The following EDIL3 variants were observed in gnomAD, a reference collection of about 807,000 sequenced individuals.
EDIL3 encodes the protein EGF like and discoidin domains 3, also known as EGF-like repeat and discoidin I-like domain-containing protein 3.
Under a neutral mutation model 67.4 loss-of-function variants are expected in EDIL3, and 37 were observed. The ratio of observed to expected loss-of-function variants is 0.55; its 90% CI spans 0.42 to 0.72. The LOEUF is 0.72. Among genes scored for constraint, EDIL3 ranks in the 30% least tolerant of loss-of-function variants. The probability of loss-of-function intolerance (pLI) is 0.00; values close to 1 mark genes in which losing one functional copy is unlikely to be tolerated. For synonymous variants in EDIL3, 195 were observed against 196.3 expected, an observed-to-expected ratio of 0.99 and a Z score of 0.05; for missense variants, 527 against 586.3, an observed-to-expected ratio of 0.90 and a Z score of 1.04.
chr5:84,327,170 T>C (rs1746779828), intron 1 of EDIL3, among the ~76,000 whole-genome samples: 1 of 152,010 alleles, frequency 6.6e-6, no homozygotes, highest in South Asian at 2.1e-4. Flanking sequence ...ATATAATACA[T>C]CATTATTAAT....
chr5:84,069,757 C>T (rs907305299), intron 6 of EDIL3, among the ~76,000 whole-genome samples: 1 of 152,036 alleles, frequency 6.6e-6, no homozygotes, highest in African/African-American at 2.4e-5. Flanking sequence ...CCTGTGCCCA[C>T]GGATCTAGGT....
intron 9 of EDIL3, among the ~76,000 whole-genome samples, chr5:84,033,978 A>G (rs1027815192): frequency 6.6e-6 from 1 of 152,178 alleles, no homozygotes; most frequent in Non-Finnish European, 1.5e-5. Context: ...TCAATCCAGG[A>G]CAAAGCAGGG....
chr5:84,365,947 G>C (rs921016945), intron 1 of EDIL3, among the ~76,000 whole-genome samples: 3 of 152,050 alleles, frequency 2.0e-5, no homozygotes, highest in African/African-American at 4.8e-5. Context: ...TGAGGAAACA[G>C]GTTATGTATA....
intron 1 of EDIL3, among the ~76,000 whole-genome samples, chr5:84,285,102 C>T (rs998840243): frequency 3.9e-5 from 6 of 152,078 alleles, no homozygotes; most frequent in African/African-American, 7.2e-5. Context: ...GAACCATATA[C>T]GTAAATATGC....
At chr5:83,957,273 T>C (rs1197274035) in intron 10 of EDIL3, among the ~76,000 whole-genome samples, 1 of 151,670 alleles carries the variant, frequency 6.6e-6, no homozygotes, top group East Asian at 2.0e-4. Flanking sequence ...CCCTTTGCTT[T>C]TCCCCCTGCT....
At chr5:83,958,142 C>T (rs1744547677) in intron 10 of EDIL3, among the ~76,000 whole-genome samples, 1 of 151,552 alleles carries the variant, frequency 6.6e-6, no homozygotes, top group Non-Finnish European at 1.5e-5. Context: ...ATTCCATTCT[C>T]ACTAGAAAAA....
At chr5:84,073,376 G>A (rs1269862896) in intron 6 of EDIL3, among the ~76,000 whole-genome samples, 1 of 152,142 alleles carries the variant, frequency 6.6e-6, no homozygotes, top group African/African-American at 2.4e-5. Flanking sequence ...GAAATAAAGT[G>A]TATTCAATTA....
At chr5:84,010,516 C>T (rs757834817) in intron 9 of EDIL3, among the ~76,000 whole-genome samples, 6 of 152,028 alleles carry the variant, frequency 3.9e-5, no homozygotes, top group Non-Finnish European at 8.8e-5. Flanking sequence ...TCTATTTCCT[C>T]CAATTTTTTA....
chr5:83,996,339 C>T (rs769368603), intron 9 of EDIL3, among the ~76,000 whole-genome samples: 12 of 152,140 alleles, frequency 7.9e-5, no homozygotes, highest in Non-Finnish European at 5.9e-5. Context: ...TGTTAAAGTA[C>T]CCCTCTCTTT....
intron 2 of EDIL3, among the ~76,000 whole-genome samples, chr5:84,245,154 T>C (rs1744884219): frequency 6.6e-6 from 1 of 152,238 alleles, no homozygotes; most frequent in Admixed American, 6.5e-5. Context: ...CTCTTCACTC[T>C]TCTTTATATA....
intron 1 of EDIL3, among the ~76,000 whole-genome samples, chr5:84,317,220 C>G (rs1561255232): frequency 6.6e-6 from 1 of 152,056 alleles, no homozygotes; most frequent in Non-Finnish European, 1.5e-5. Flanking sequence ...CAAGAGCAAA[C>G]ACATTCAAAA....
At chr5:83,954,163 T>A (rs1180981404) in intron 10 of EDIL3, among the ~76,000 whole-genome samples, 1 of 151,442 alleles carries the variant, frequency 6.6e-6, no homozygotes, top group Non-Finnish European at 1.5e-5. Context: ...TGGCAATATG[T>A]ATCATGTAGA....
intron 9 of EDIL3, among the ~76,000 whole-genome samples, chr5:83,975,479 TA>T (rs1744862831): frequency 6.6e-6 from 1 of 151,976 alleles, no homozygotes; most frequent in African/African-American, 2.4e-5. Flanking sequence ...CTTCTCAAGT[TA>T]TAGTTCACTT....
chr5:84,205,898 G>C (rs1246479543), intron 3 of EDIL3, among the ~76,000 whole-genome samples: 9 of 149,402 alleles, frequency 6.0e-5, no homozygotes, highest in Admixed American at 6.0e-4. Flanking sequence ...AGGGTTTTTT[G>C]TGTCTCTATT....
chr5:84,133,456 T>TA (rs1748031156), intron 5 of EDIL3, among the ~76,000 whole-genome samples: 1 of 52,224 alleles, frequency 1.9e-5, no homozygotes, highest in African/African-American at 8.6e-5. Flanking sequence ...CCATCTCTAC[T>TA]AAAAATACAA....
intron 9 of EDIL3, among the ~76,000 whole-genome samples, chr5:84,026,471 CA>C (rs1745818170): frequency 1.3e-5 from 2 of 152,118 alleles, no homozygotes; most frequent in East Asian, 3.9e-4. Context: ...GTTCAGTCAT[CA>C]TTTTTTTTCA....
chr5:84,152,558 A>C (rs1748415402), intron 4 of EDIL3, among the ~76,000 whole-genome samples: 1 of 152,240 alleles, frequency 6.6e-6, no homozygotes, highest in South Asian at 2.1e-4. Context: ...TTTTAATAAA[A>C]TCCAATGACT....
chr5:84,011,695 C>A (rs537470801), intron 9 of EDIL3, among the ~76,000 whole-genome samples: 1 of 152,228 alleles, frequency 6.6e-6, no homozygotes, highest in African/African-American at 2.4e-5. Context: ...TCACAGTGGT[C>A]TTCTTTTTCT....
intron 6 of EDIL3, among the ~76,000 whole-genome samples, chr5:84,096,606 G>A (rs984052467): frequency 2.6e-5 from 4 of 152,166 alleles, no homozygotes; most frequent in Non-Finnish European, 5.9e-5. Context: ...AGGCTGAAGG[G>A]ACTTGGTTTT....
Sources: allele counts gnomAD v4.1 joint callset (sites outside exome capture counted in the v4.1 genomes callset), GRCh38; gene constraint gnomAD v4.1.1; transcripts MANE v1.5; gene names NCBI Gene and HGNC (gene_info 2026-07-23, HGNC 2026-07-21).